The following SNX13 variants were observed in gnomAD, a reference collection of about 807,000 sequenced individuals.
SNX13 encodes the protein sorting nexin 13, also known as sorting nexin-13.
A neutral mutation model predicts 133.6 loss-of-function variants in SNX13; 45 were observed. The ratio of observed to expected loss-of-function variants is 0.34; its 90% CI spans 0.27 to 0.43. The LOEUF is 0.43. Among genes scored for constraint, SNX13 ranks in the 20% least tolerant of loss-of-function variants. SNX13 has a pLI of 1.00. For missense variants in SNX13, 1,032 were observed against 1,145.1 expected (o/e 0.90, Z 1.43); for synonymous variants, 414 against 373.9 (o/e 1.11, Z -1.24).
chr7:17,804,714 AC>A (rs1784994732), intron 20 of SNX13, among the ~76,000 whole-genome samples: 1 of 152,090 alleles, frequency 6.6e-6, no homozygotes, highest in Admixed American at 6.5e-5. Flanking sequence ...CCAAAGTCAT[AC>A]AAAACTACAG....
intron 1 of SNX13, among the ~76,000 whole-genome samples, chr7:17,921,574 C>T (rs1269417234): frequency 1.3e-5 from 2 of 152,188 alleles, no homozygotes; most frequent in African/African-American, 4.8e-5. Context: ...AATGTAGGGT[C>T]ACGATCAAAA....
chr7:17,868,160 T>G lies in SNX13; in HGVS notation c.837+247A>C, dbSNP rs186541624. 2.1e-3 allele frequency: 808 copies of G among 385,478 alleles called. 18 individuals carry two copies. The Admixed American group carries it at 0.027, about 13-fold the overall frequency. The allele number at this position is 385,478 out of a possible 1,614,324, so 23.9% of individuals were successfully genotyped here. A position where few individuals can be genotyped will look rare whatever the true frequency, so the allele number is the denominator to read the frequency against. On this transcript the variant is annotated intron_variant, in intron 9 of 25. Transcript: ENST00000428135. ...AGACACAGGTAGTAAAATATTCTAT[T>G]TTTTTAAAGAAATAGTAGTAGCACC...
In SNX13 at chr7:17,816,430, G is replaced by A. The variant is rs766784259; in HGVS notation, c.1846-141C>T. Reference sequence around the variant, plus strand: ...TAATCCCAGCACTTTGGGAGGCTGAGGCAGGCGGATCACCTGAGGTCGGGA... The same window carrying A: ...TAATCCCAGCACTTTGGGAGGCTGAAGCAGGCGGATCACCTGAGGTCGGGA... On this transcript the variant is annotated intron_variant, in intron 18 of 25. Coordinates refer to ENST00000428135, the MANE Select transcript of SNX13 (RefSeq NM_015132.5). 1.5e-4 allele frequency: 150 copies of A among 1,005,984 alleles called. 1 individual carries two copies. Among genetic ancestry groups the A allele is most frequent in the Non-Finnish European group, 1.9e-4 (141 of 725,506 alleles). 62.3% of individuals were successfully genotyped at this position (1,005,984 alleles called of 1,614,324 possible). A position where few individuals can be genotyped will look rare whatever the true frequency, so the allele number is the denominator to read the frequency against.
At chr7:17,833,490 C>T (rs1352892769) in intron 15 of SNX13, among the ~76,000 whole-genome samples, 1 of 151,552 alleles carries the variant, frequency 6.6e-6, no homozygotes, top group Non-Finnish European at 1.5e-5. Context: ...AATATTCTGA[C>T]TCTTAAACCA....
chr7:17,852,131 T>C (rs961608090), intron 9 of SNX13, among the ~76,000 whole-genome samples: 3 of 152,246 alleles, frequency 2.0e-5, no homozygotes, highest in African/African-American at 7.2e-5. Flanking sequence ...CGCAGCACTT[T>C]GGTAGGCCAA....
intron 15 of SNX13, among the ~76,000 whole-genome samples, chr7:17,833,063 C>T (rs1422082279): frequency 6.6e-6 from 1 of 151,502 alleles, no homozygotes; most frequent in Admixed American, 6.6e-5. Flanking sequence ...AACTGAAGCA[C>T]TTTCTTAAAA....
chr7:17,858,899 AG>A (rs1408390149), intron 9 of SNX13, among the ~76,000 whole-genome samples: 1 of 152,170 alleles, frequency 6.6e-6, no homozygotes, highest in Non-Finnish European at 1.5e-5. Context: ...TAGAATATCT[AG>A]ATGTCTGTAT....
chr7:17,875,076 A>G (rs1002503325), intron 7 of SNX13, among the ~76,000 whole-genome samples: 18 of 152,278 alleles, frequency 1.2e-4, no homozygotes, highest in Non-Finnish European at 2.4e-4. Flanking sequence ...GCATGATCAC[A>G]GGTCACTGCA....
chr7:17,806,997 C>G (rs2723562), intron 20 of SNX13, among the ~76,000 whole-genome samples: 91,788 of 152,002 alleles, frequency 0.6, 29,004 homozygotes, highest in African/African-American at 0.78. Flanking sequence ...TCCGCCACCA[C>G]GGGCCTGGGT....
intron 1 of SNX13, among the ~76,000 whole-genome samples, chr7:17,907,706 T>C (rs1484815723): frequency 6.6e-6 from 1 of 152,170 alleles, no homozygotes; most frequent in Non-Finnish European, 1.5e-5. Context: ...GTCCAAGACA[T>C]GATATCTCAA....
Position 17,793,894 on chromosome 7 carries a change from G to C in SNX13, c.*151C>G, listed in dbSNP as rs1031379802. On this transcript the variant is annotated 3_prime_UTR_variant, in exon 26 of 26. Coordinates refer to ENST00000428135, the MANE Select transcript of SNX13 (RefSeq NM_015132.5). ...AGTGGTGGATTATAGATGAGAATGA[G>C]AAGAACCACAGACTTATGGATGTAT... 19 of 775,708 alleles carry C rather than the reference G, an allele frequency of 2.4e-5. No individual in the cohort carries two copies. The highest frequency in any genetic ancestry group is 3.5e-5 in the Non-Finnish European group (18 of 512,694). The allele number at this position is 775,708 out of a possible 1,614,324, so 48.1% of individuals were successfully genotyped here.
chr7:17,906,619 C>T (rs1339103796), intron 1 of SNX13, among the ~76,000 whole-genome samples: 2 of 151,934 alleles, frequency 1.3e-5, no homozygotes, highest in Non-Finnish European at 2.9e-5. Flanking sequence ...GTGGTTAGAG[C>T]AAGAATCAAT....
intron 1 of SNX13, among the ~76,000 whole-genome samples, chr7:17,919,901 C>A (rs1562525343): frequency 6.6e-6 from 1 of 152,070 alleles, no homozygotes; most frequent in South Asian, 2.1e-4. Context: ...GAGGCCAAGG[C>A]AGTAGGATCA....
chr7:17,906,880 C>G (rs1798460436), intron 1 of SNX13, among the ~76,000 whole-genome samples: 1 of 151,916 alleles, frequency 6.6e-6, no homozygotes. Flanking sequence ...TAAACTGATT[C>G]AACAAAAATA....
At chr7:17,929,506 T>C (rs1186622934) in intron 1 of SNX13, among the ~76,000 whole-genome samples, 2 of 152,018 alleles carry the variant, frequency 1.3e-5, no homozygotes, top group African/African-American at 4.8e-5. Context: ...TTAACACCAC[T>C]CAAGTCAACT....
chr7:17,934,673 G>A (rs1323924897), intron 1 of SNX13, among the ~76,000 whole-genome samples: 3 of 152,154 alleles, frequency 2.0e-5, no homozygotes. Context: ...AAATATAAAA[G>A]GAACTCAACA....
At chr7:17,888,547 C>T (rs1583636338) in intron 5 of SNX13, 1 of 359,024 alleles carries the variant, frequency 2.8e-6, no homozygotes, top group Non-Finnish European at 5.5e-6. Context: ...TAACATTAGA[C>T]TAACCACTTT....
rs1791125730 is a variant in SNX13 at position 17,850,927 on chromosome 7, T to C, written c.875A>G (p.Asn292Ser). 6 of 1,609,182 alleles carry C rather than the reference T, an allele frequency of 3.7e-6. No homozygotes were observed. In the East Asian group the frequency reaches 1.3e-4, roughly 36 times the overall value. The stretch of plus-strand genomic sequence containing the variant: ...AATATTGTCACTCAATTTAATAATG[T>C]TCATAAAGGCCTCATAGTTGCAGTT... ...DSNCNYEAFM[N>S]IIKLSDNIGE... The change falls in exon 10 of 26, where the codon AAC becomes AGC. Residue 292 changes from asparagine (N) to serine (S), a missense_variant. Physicochemically the swap from Asn to Ser is conservative, Grantham distance 46. Coordinates refer to ENST00000428135, the MANE Select transcript of SNX13 (RefSeq NM_015132.5).
intron 25 of SNX13, chr7:17,795,778 A>T (rs1204624014): frequency 6.6e-6 from 1 of 151,796 alleles, no homozygotes; most frequent in Non-Finnish European, 1.5e-5. Context: ...ATATAGCACA[A>T]TCAGGTTTAC....
Sources: allele counts gnomAD v4.1 joint callset (sites outside exome capture counted in the v4.1 genomes callset), GRCh38; gene constraint gnomAD v4.1.1; transcripts MANE v1.5; gene names NCBI Gene and HGNC (gene_info 2026-07-23, HGNC 2026-07-21).